The following RER1 variants were observed in gnomAD, a reference collection of about 807,000 sequenced individuals.
RER1 encodes the protein protein RER1.
In RER1, 6 loss-of-function variants were observed where a neutral mutation model predicts 28.3. That is an observed-to-expected ratio of 0.21 (90% CI 0.12 to 0.42). The LOEUF (loss-of-function observed/expected upper bound fraction) is 0.42. Ranked by LOEUF, RER1 falls within the 10% of genes least tolerant of loss-of-function variation. The pLI, the probability that RER1 is intolerant of heterozygous loss-of-function variation, is 1.00. For synonymous variants in RER1, 110 were observed against 95.9 expected (o/e 1.15, Z -0.86); for missense variants, 159 against 252.9 (o/e 0.63, Z 2.52).
chr1:2,401,265 CA>C (rs369394124), intron 5 of RER1, among the ~76,000 whole-genome samples: 441 of 41,596 alleles, frequency 0.011, 10 homozygotes, highest in East Asian at 0.019. Context: ...CTCCCTCCTC[CA>C]CCCTCCCTCC....
In RER1 at chr1:2,391,882, G is replaced by A. The variant is rs1484015365; in HGVS notation, c.-84G>A. 2.4e-5 allele frequency: 6 copies of A among 250,938 alleles called. No homozygotes were observed. The highest frequency in any genetic ancestry group is 1.1e-4 in the African/African-American group (5 of 44,978). The allele number at this position is 250,938 out of a possible 1,614,324, so 15.5% of individuals were successfully genotyped here. On this transcript the variant is annotated 5_prime_UTR_variant, in exon 1 of 7. Coordinates refer to ENST00000605895, the MANE Select transcript of RER1 (RefSeq NM_007033.5). Reference sequence around the variant, plus strand: ...TTCCCGGAGCCGGAGCGCAGCGCCTGCGGCCGCCCGTGCCCCGCCGTCCTC... The same window carrying A: ...TTCCCGGAGCCGGAGCGCAGCGCCTACGGCCGCCCGTGCCCCGCCGTCCTC...
intron 4 of RER1, among the ~76,000 whole-genome samples, chr1:2,399,831 C>G (rs2100403889): frequency 6.6e-6 from 1 of 152,342 alleles, no homozygotes; most frequent in East Asian, 1.9e-4. Context: ...AGCCCCCGTC[C>G]CACCCCAGTC....
chr1:2,402,366 C>G (rs371996985), intron 6 of RER1, 24 bp downstream of exon 6: 4 of 1,613,606 alleles, frequency 2.5e-6, no homozygotes, highest in African/African-American at 1.3e-5. Flanking sequence ...GCTGCCGCCA[C>G]GCCGGCCGCA....
intron 3 of RER1, among the ~76,000 whole-genome samples, 184 bp from the exon 4 acceptor site, chr1:2,399,231 T>C (rs1269387014): frequency 6.6e-6 from 1 of 152,218 alleles, no homozygotes; most frequent in Non-Finnish European, 1.5e-5. Context: ...CAGAGTATAA[T>C]TTGAGATAAA....
chr1:2,401,098 C>T (rs915404592), intron 5 of RER1, among the ~76,000 whole-genome samples, 163 bp downstream of exon 5: 9 of 152,054 alleles, frequency 5.9e-5, no homozygotes, highest in Admixed American at 1.3e-4. Context: ...ACTACCTTGC[C>T]GCATTCTCTT....
Position 2,397,103 on chromosome 1 carries a change from C to CT in RER1, c.82-11dup, listed in dbSNP as rs768805717. ...AGGACCTGCTTCATGCTTTTGGACT[C>CT]TTGTCTTTCTAGATTTATCAGTCCT... On this transcript the variant is annotated splice_polypyrimidine_tract_variant and intron_variant, in intron 2 of 6. Coordinates refer to ENST00000605895, the MANE Select transcript of RER1 (RefSeq NM_007033.5). The CT allele has an allele frequency of 4.4e-6, 7 of 1,584,280 alleles. No homozygotes were observed. Among genetic ancestry groups the CT allele is most frequent in the Non-Finnish European group, 5.2e-6 (6 of 1,153,440 alleles).
chr1:2,397,000 C>G (rs1264779809), intron 2 of RER1, 116 bp from the exon 3 acceptor site: 4 of 621,344 alleles, frequency 6.4e-6, no homozygotes, highest in Non-Finnish European at 1.2e-5. Flanking sequence ...TTTTAACTCA[C>G]TCTTTTAGCT....
At chr1:2,402,418 G>A in intron 6 of RER1, 76 bp downstream of exon 6, 1 of 1,587,416 alleles carries the variant, frequency 6.3e-7, no homozygotes, top group Non-Finnish European at 8.6e-7. Context: ...AGCTGTGCTG[G>A]GCTGTGGTGG....
Position 2,404,673 on chromosome 1 carries a change from T to C in RER1, c.*1549T>C, listed in dbSNP as rs140666446. On this transcript the variant is annotated 3_prime_UTR_variant, in exon 7 of 7. Coordinates refer to ENST00000605895, the MANE Select transcript of RER1 (RefSeq NM_007033.5). ...CCTAAGTAAGTCAAACAGCAAGACA[T>C]GGTTTGCGCGGGTCTTTGCCGGAAG... is the stretch of plus-strand genomic sequence containing the variant. 3 of 152,336 alleles carry C rather than the reference T, an allele frequency of 2.0e-5. No individual in the cohort carries two copies. Among genetic ancestry groups the C allele is most frequent in the South Asian group, 2.1e-4 (1 of 4,836 alleles). The allele number at this position is 152,336 out of a possible 1,614,324, so 9.4% of individuals were successfully genotyped here.
chr1:2,401,231 T>TCCTCCCTCCCTCC (rs1642845262), intron 5 of RER1, among the ~76,000 whole-genome samples: 1 of 70,926 alleles, frequency 1.4e-5, no homozygotes, highest in Non-Finnish European at 3.0e-5. Context: ...CCTCCTCCCT[T>TCCTCCCTCCCTCC]CCTCCCTCCT....
intron 2 of RER1, 189 bp downstream of exon 2, chr1:2,396,060 A>C (rs762195392): frequency 1.7e-6 from 1 of 602,792 alleles, no homozygotes; most frequent in Non-Finnish European, 3.0e-6. Flanking sequence ...CTCTGGGGCC[A>C]CACGTGGTCT....
At chr1:2,397,855 C>T (rs1360698812) in intron 3 of RER1, among the ~76,000 whole-genome samples, 10 of 152,136 alleles carry the variant, frequency 6.6e-5, no homozygotes, top group Middle Eastern at 3.2e-3. Flanking sequence ...GGGAATTCTT[C>T]GTCGGTCTTT....
chr1:2,405,200 C>G lies in RER1; in HGVS notation c.*2076C>G, dbSNP rs974804584. The G allele has an allele frequency of 4.1e-5, 8 of 195,496 alleles. No individual in the cohort carries two copies. Among genetic ancestry groups the G allele is most frequent in the African/African-American group, 1.4e-4 (6 of 42,300 alleles). 12.1% of individuals were successfully genotyped at this position (195,496 alleles called of 1,614,324 possible). A position where few individuals can be genotyped will look rare whatever the true frequency, so the allele number is the denominator to read the frequency against. ...GGTGCTGGCCTTGGTTGGTTTCTCT[C>G]TGCCCCGTGTGGTCATCAAGTCCTG... On this transcript the variant is annotated 3_prime_UTR_variant, in exon 7 of 7. Coordinates refer to ENST00000605895, the MANE Select transcript of RER1 (RefSeq NM_007033.5).
chr1:2,402,349 C>T lies in RER1; in HGVS notation c.501+7C>T. On this transcript the variant is annotated splice_region_variant and intron_variant, in intron 6 of 6. Coordinates refer to ENST00000605895, the MANE Select transcript of RER1 (RefSeq NM_007033.5). The stretch of plus-strand genomic sequence containing the variant: ...GATGAAGAGGCAAATCAAGGTAAAG[C>T]AGAGGCGCTGCCGCCACGCCGGCCG... 1.9e-6 allele frequency: 3 copies of T among 1,614,018 alleles called. No homozygotes were observed. Among genetic ancestry groups the T allele is most frequent in the Non-Finnish European group, 2.5e-6 (3 of 1,179,930 alleles).
At chr1:2,398,754 T>C (rs533063870) in intron 3 of RER1, among the ~76,000 whole-genome samples, 1 of 152,274 alleles carries the variant, frequency 6.6e-6, no homozygotes, top group Non-Finnish European at 1.5e-5. Context: ...TTAATCATTT[T>C]AAAAAATGAA....
rs1290580723 is a variant in RER1 at position 2,404,612 on chromosome 1, C to T, written c.*1488C>T. On this transcript the variant is annotated 3_prime_UTR_variant, in exon 7 of 7. Coordinates refer to ENST00000605895, the MANE Select transcript of RER1 (RefSeq NM_007033.5). ...CCCTCCTCCGTCTCTGGCAAGCTGA[C>T]CTTGACTAACCCAGGAATACAGGGT... The T allele has an allele frequency of 1.3e-5, 2 of 152,266 alleles. No individual in the cohort carries two copies. Among genetic ancestry groups the T allele is most frequent in the Non-Finnish European group, 1.5e-5 (1 of 68,058 alleles). The allele number at this position is 152,266 out of a possible 1,614,324, so 9.4% of individuals were successfully genotyped here.
intron 5 of RER1, among the ~76,000 whole-genome samples, chr1:2,401,371 T>TCCTCC (rs1557903973): frequency 2.3e-4 from 1 of 4,360 alleles, no homozygotes. Context: ...TCCTCCCTCC[T>TCCTCC]TCCTCCCTCC....
Position 2,400,060 on chromosome 1 carries a change from G to A in RER1, c.286+546G>A, listed in dbSNP as rs80200905. ...CGTGCTCCACTATTGGAAGACTTAC[G>A]CAGCTCCTGGGCCTGCCTGGGCCAG... On this transcript the variant is annotated intron_variant, in intron 4 of 6. Coordinates refer to ENST00000605895, the MANE Select transcript of RER1 (RefSeq NM_007033.5). 6.2e-4 allele frequency among the ~76,000 whole-genome samples: 94 copies of A among 152,286 alleles called. 1 individual carries two copies. In the East Asian group the frequency reaches 0.015, roughly 24 times the overall value.
chr1:2,396,855 A>G (rs897555297), intron 2 of RER1, among the ~76,000 whole-genome samples: 5 of 152,230 alleles, frequency 3.3e-5, no homozygotes, highest in South Asian at 2.1e-4. Flanking sequence ...GGCCAGCACA[A>G]TGTCACAGTC....
Sources: allele counts gnomAD v4.1 joint callset (sites outside exome capture counted in the v4.1 genomes callset), GRCh38; gene constraint gnomAD v4.1.1; transcripts MANE v1.5; gene names NCBI Gene and HGNC (gene_info 2026-07-23, HGNC 2026-07-21).